B3GNT2: variants seen among roughly 807,000 people sequenced by gnomAD.
The protein encoded by B3GNT2 is N-acetyllactosaminide beta-1,3-N-acetylglucosaminyltransferase 2.
B3GNT2 carries 12 observed loss-of-function variants against 27.6 expected under a neutral mutation model. The ratio of observed to expected loss-of-function variants is 0.44; its 90% CI spans 0.28 to 0.71. The LOEUF is 0.71. Among genes scored for constraint, B3GNT2 ranks in the 30% least tolerant of loss-of-function variants. B3GNT2 has a pLI of 0.17. For synonymous variants in B3GNT2, 192 were observed against 189.7 expected, an observed-to-expected ratio of 1.01 and a Z score of -0.10; for missense variants, 413 against 488.5, an observed-to-expected ratio of 0.85 and a Z score of 1.46.
intron 1 of B3GNT2, among the ~76,000 whole-genome samples, chr2:62,210,548 C>G (rs1674462348): frequency 6.6e-6 from 1 of 152,082 alleles, no homozygotes; most frequent in Non-Finnish European, 1.5e-5. Context: ...GTGGGCAGAT[C>G]ACTTGAGGTC....
At chr2:62,201,289 A>C (rs1674258899) in intron 1 of B3GNT2, among the ~76,000 whole-genome samples, 1 of 152,236 alleles carries the variant, frequency 6.6e-6, no homozygotes, top group African/African-American at 2.4e-5. Context: ...CAGTCATTGA[A>C]ATGTCCCATT....
rs139264361 is a variant in B3GNT2, at chr2:62,212,309, G to C, written c.-9-9903G>C. Among the ~76,000 whole-genome samples the C allele has an allele frequency of 1.6e-4, 24 of 152,156 alleles. No homozygotes were observed. In the East Asian group the frequency reaches 4.6e-3, roughly 29 times the overall value. On this transcript the variant is annotated intron_variant, in intron 1 of 1. Transcript: ENST00000301998. ...GCAGCTCTGGCATCGGTGGTACCAGGAGCCTAAGACTGGGTGGTCCTTATC... is the reference window on the plus strand; with the variant it reads ...GCAGCTCTGGCATCGGTGGTACCAGCAGCCTAAGACTGGGTGGTCCTTATC...
chr2:62,203,231 T>C (rs903019541), intron 1 of B3GNT2, among the ~76,000 whole-genome samples: 4 of 152,086 alleles, frequency 2.6e-5, no homozygotes, highest in Non-Finnish European at 5.9e-5. Flanking sequence ...GATTGAAATA[T>C]GTATGTGTGT....
At chr2:62,208,762 C>T (rs1244315707) in intron 1 of B3GNT2, among the ~76,000 whole-genome samples, 3 of 152,296 alleles carry the variant, frequency 2.0e-5, no homozygotes, top group East Asian at 1.9e-4. Context: ...TACTGTCCCT[C>T]CCCTTCTTGT....
chr2:62,218,132 G>A (rs1176375225), intron 1 of B3GNT2, among the ~76,000 whole-genome samples: 1 of 152,172 alleles, frequency 6.6e-6, no homozygotes, highest in Non-Finnish European at 1.5e-5. Flanking sequence ...TTGGAATTGG[G>A]TTTTCTGTCT....
rs146160188 is a variant in B3GNT2, at chr2:62,223,414, A to G, written c.1194A>G (p.Ter398=). ...SQLQSAHLKC[*] ...TGCAGAGTGCTCATTTAAAATGCTA[A>G]AATAGATACAAACTCAATTTTGCAT... Residue 398 remains the stop codon, a stop_retained_variant, in exon 2 of 2, where the codon TAA becomes TAG. Transcript: ENST00000301998. The G allele has an allele frequency of 6.7e-4, 1,070 of 1,592,688 alleles. 13 individuals are homozygous for G. The African/African-American group carries it at 0.012, about 19-fold the overall frequency.
chr2:62,216,840 C>G (rs1371288131), intron 1 of B3GNT2, among the ~76,000 whole-genome samples: 2 of 152,214 alleles, frequency 1.3e-5, no homozygotes, highest in African/African-American at 2.4e-5. Context: ...TTGGCTTCCC[C>G]GGGGTCATAA....
intron 1 of B3GNT2, among the ~76,000 whole-genome samples, chr2:62,197,730 G>C (rs757140249): frequency 3.9e-5 from 6 of 152,224 alleles, no homozygotes; most frequent in Non-Finnish European, 8.8e-5. Context: ...GGCCGGGACT[G>C]GGAGTGAAAA....
intron 1 of B3GNT2, among the ~76,000 whole-genome samples, chr2:62,213,027 A>T (rs1399707162): frequency 1.3e-5 from 2 of 152,220 alleles, no homozygotes; most frequent in Non-Finnish European, 2.9e-5. Context: ...GCCACGTACA[A>T]GCTCTTAACC....
At chr2:62,210,709 G>T (rs1558633957) in intron 1 of B3GNT2, among the ~76,000 whole-genome samples, 1 of 152,028 alleles carries the variant, frequency 6.6e-6, no homozygotes, top group Non-Finnish European at 1.5e-5. Flanking sequence ...GGCAGGGGTT[G>T]CAGTGAGCCG....
intron 1 of B3GNT2, among the ~76,000 whole-genome samples, chr2:62,216,601 G>A (rs1450211833): frequency 6.6e-6 from 1 of 151,718 alleles, no homozygotes; most frequent in East Asian, 1.9e-4. Flanking sequence ...ATGGGGTCTC[G>A]CTATGTTGCC....
chr2:62,218,468 T>C (rs1326033842), intron 1 of B3GNT2, among the ~76,000 whole-genome samples: 1 of 152,188 alleles, frequency 6.6e-6, no homozygotes, highest in Non-Finnish European at 1.5e-5. Flanking sequence ...GCTGATCTGT[T>C]TCCTGAGGTG....
chr2:62,209,305 A>T (rs917434353), intron 1 of B3GNT2, among the ~76,000 whole-genome samples: 1 of 152,066 alleles, frequency 6.6e-6, no homozygotes, highest in African/African-American at 2.4e-5. Context: ...TCTCTTCCCC[A>T]GGGCAGCCTT....
At position 62,220,282 on chromosome 2, in the gene B3GNT2, C is replaced by T. The variant is rs141973970; in HGVS notation, c.-9-1930C>T. On this transcript the variant is annotated intron_variant, in intron 1 of 1. Coordinates refer to ENST00000301998, the MANE Select transcript of B3GNT2 (RefSeq NM_006577.6). ...GAGACAGCTAGCCTGTGAGGGTAGACGCAAGATGGAGTCAGCCATGCTAGA... is the reference window on the plus strand; with the variant it reads ...GAGACAGCTAGCCTGTGAGGGTAGATGCAAGATGGAGTCAGCCATGCTAGA... 4.3e-4 allele frequency among the ~76,000 whole-genome samples: 65 copies of T among 152,324 alleles called. 2 individuals are homozygous for T. The East Asian group carries it at 0.01, about 23-fold the overall frequency.
In B3GNT2 at chr2:62,223,622, G is replaced by A. The variant is rs893505894; in HGVS notation, c.*208G>A. 3.7e-6 allele frequency: 2 copies of A among 536,050 alleles called. No individual in the cohort carries two copies. The highest frequency in any genetic ancestry group is 3.9e-5 in the African/African-American group (2 of 51,938). The allele number at this position is 536,050 out of a possible 1,614,324, so 33.2% of individuals were successfully genotyped here. A position where few individuals can be genotyped will look rare whatever the true frequency, so the allele number is the denominator to read the frequency against. The stretch of plus-strand genomic sequence containing the variant: ...ATTTTTTTTTATGGATGATATGGCA[G>A]GATGATTGGTTCTGATCTTACCGGC... On this transcript the variant is annotated 3_prime_UTR_variant, in exon 2 of 2. Coordinates refer to ENST00000301998, the MANE Select transcript of B3GNT2 (RefSeq NM_006577.6).
chr2:62,223,111 T>G lies in B3GNT2; in HGVS notation c.891T>G (p.Ser297=). 2 of 1,614,214 alleles carry G rather than the reference T, an allele frequency of 1.2e-6. No individual in the cohort carries two copies. Among genetic ancestry groups the G allele is most frequent in the Non-Finnish European group, 1.7e-6 (2 of 1,180,034 alleles). The change falls in exon 2 of 2, where the codon TCT becomes TCG. Residue 297 remains serine, a synonymous_variant. Transcript: ENST00000301998. ...LKYYIPEVVY[S]GLYPPYAGGG... is the part of the protein sequence containing the mutation. ...ACTACATCCCAGAAGTTGTTTACTC[T>G]GGCCTCTACCCACCCTATGCAGGGG...
rs1050175906 is a variant in B3GNT2 at position 62,205,902 on chromosome 2, G to T, written c.-10+9547G>T. The T allele has an allele frequency of 1.9e-5, 3 of 154,226 alleles. No homozygotes were observed. The Admixed American group carries it at 2.0e-4, about 10-fold the overall frequency. The allele number at this position is 154,226 out of a possible 1,614,324, so 9.6% of individuals were successfully genotyped here. On this transcript the variant is annotated intron_variant, in intron 1 of 1. Coordinates refer to ENST00000301998, the MANE Select transcript of B3GNT2 (RefSeq NM_006577.6). Reference sequence around the variant, plus strand: ...TAGCCAGGAGAGTGGATTCCAGGTGGTGAGGGCTTGGTACTCCTTTTGGGG... The same window carrying T: ...TAGCCAGGAGAGTGGATTCCAGGTGTTGAGGGCTTGGTACTCCTTTTGGGG...
At chr2:62,221,888 A>G (rs1468436425) in intron 1 of B3GNT2, 3 of 539,232 alleles carry the variant, frequency 5.6e-6, no homozygotes, top group Non-Finnish European at 1.1e-5. Flanking sequence ...TTCTAGCTTC[A>G]GCATGTCTCA....
At chr2:62,204,886 C>T (rs567631807) in intron 1 of B3GNT2, among the ~76,000 whole-genome samples, 35 of 152,252 alleles carry the variant, frequency 2.3e-4, no homozygotes, top group African/African-American at 7.0e-4. Flanking sequence ...TAGCCACCAG[C>T]GGCTTCAGGG....
Sources: gnomAD v4.1 joint callset for allele counts (sites outside exome capture counted in the v4.1 genomes callset) on GRCh38, gnomAD v4.1.1 for gene constraint, MANE v1.5 for transcripts, NCBI Gene and HGNC (gene_info 2026-07-23, HGNC 2026-07-21) for gene names.